Variants in RORA observed in about 807,000 individuals in gnomAD.
The protein encoded by RORA is RAR related orphan receptor A.
Under a neutral mutation model 69.5 loss-of-function variants are expected in RORA, and 7 were observed. The observed-to-expected ratio is 0.10, with a 90% CI of 0.06 to 0.19. The LOEUF (loss-of-function observed/expected upper bound fraction) is 0.19. Ranked by LOEUF, RORA falls within the 10% of genes least tolerant of loss-of-function variation. RORA has a pLI of 1.00. For synonymous variants in RORA, 261 were observed against 240.8 expected, an observed-to-expected ratio of 1.08 and a Z score of -0.78; for missense variants, 457 against 663.0, an observed-to-expected ratio of 0.69 and a Z score of 3.41.
rs11392772 is a variant in RORA at position 61,183,533 on chromosome 15, C to CAAA, written c.166+45517_166+45519dup. Among the ~76,000 whole-genome samples the CAAA allele has an allele frequency of 9.6e-4, 125 of 130,664 alleles. 1 individual carries two copies. The South Asian group carries it at 0.029, about 30-fold the overall frequency. 85.7% of individuals were successfully genotyped at this position (130,664 alleles called of 152,430 possible). On this transcript the variant is annotated intron_variant, in intron 1 of 10. Coordinates refer to ENST00000335670, the MANE Select transcript of RORA (RefSeq NM_134261.3). ...CTGGGCAACAAGAGTGAGACTGTTTCAAAAAAAAAAAAAAAAGGAAAAAAA... is the reference window on the plus strand; with the variant it reads ...CTGGGCAACAAGAGTGAGACTGTTTCAAAAAAAAAAAAAAAAAAAGGAAAAAAA...
intron 2 of RORA, among the ~76,000 whole-genome samples, chr15:60,615,521 G>A (rs527619128): frequency 1.3e-3 from 198 of 152,276 alleles, no homozygotes; most frequent in African/African-American, 1.7e-3. Flanking sequence ...AGCAGCAGCC[G>A]GGGAGGAGAA....
At chr15:60,551,887 G>T (rs944932522) in intron 2 of RORA, among the ~76,000 whole-genome samples, 8 of 152,182 alleles carry the variant, frequency 5.3e-5, no homozygotes, top group African/African-American at 1.9e-4. Flanking sequence ...TTCAACTGGG[G>T]TTTATCCCAA....
chr15:61,026,880 T>C (rs1252990840), intron 1 of RORA, among the ~76,000 whole-genome samples: 1 of 152,146 alleles, frequency 6.6e-6, no homozygotes, highest in African/African-American at 2.4e-5. Flanking sequence ...CCTGACCTCA[T>C]AAAATACGTT....
intron 1 of RORA, among the ~76,000 whole-genome samples, chr15:61,149,473 C>G: frequency 6.8e-6 from 1 of 147,624 alleles, no homozygotes; most frequent in Non-Finnish European, 1.5e-5. Flanking sequence ...TAAGAAGACA[C>G]TATTCTCTCT....
At chr15:60,676,452 A>G (rs1440503700) in intron 2 of RORA, among the ~76,000 whole-genome samples, 1 of 152,110 alleles carries the variant, frequency 6.6e-6, no homozygotes, top group African/African-American at 2.4e-5. Flanking sequence ...GCCATTTTTT[A>G]TTCTGGGCCC....
intron 1 of RORA, among the ~76,000 whole-genome samples, chr15:61,148,143 G>A (rs1030854913): frequency 2.6e-5 from 4 of 152,178 alleles, no homozygotes; most frequent in African/African-American, 4.8e-5. Flanking sequence ...TGACATCAGC[G>A]GCAACATGGG....
chr15:60,798,825 T>A (rs942190356), intron 1 of RORA, among the ~76,000 whole-genome samples: 1 of 151,902 alleles, frequency 6.6e-6, no homozygotes, highest in African/African-American at 2.4e-5. Context: ...GAATGATATA[T>A]CCCCACTCTA....
At chr15:60,781,038 G>GT (rs2072245410) in intron 1 of RORA, among the ~76,000 whole-genome samples, 1 of 152,202 alleles carries the variant, frequency 6.6e-6, no homozygotes, top group Admixed American at 6.5e-5. Flanking sequence ...GAGGACTTCA[G>GT]TAACTTCTTG....
chr15:60,568,815 C>G (rs2067788604), intron 2 of RORA, among the ~76,000 whole-genome samples: 1 of 151,898 alleles, frequency 6.6e-6, no homozygotes, highest in Admixed American at 6.6e-5. Context: ...TTTCCTAGTA[C>G]AAGTAAAAAA....
chr15:61,083,218 G>A (rs557148502), intron 1 of RORA, among the ~76,000 whole-genome samples: 10 of 152,272 alleles, frequency 6.6e-5, no homozygotes, highest in South Asian at 2.1e-4. Flanking sequence ...AGGCTGACAC[G>A]GCTTCCCTCT....
chr15:61,082,200 G>A (rs1050832277), intron 1 of RORA, among the ~76,000 whole-genome samples: 13 of 152,132 alleles, frequency 8.5e-5, no homozygotes, highest in Admixed American at 7.2e-4. Context: ...TCAAAAATAC[G>A]GTATTTGGCC....
chr15:60,878,947 C>G (rs941352234), intron 1 of RORA, among the ~76,000 whole-genome samples: 4 of 152,212 alleles, frequency 2.6e-5, no homozygotes, highest in African/African-American at 4.8e-5. Flanking sequence ...ATCTGCTCAT[C>G]AAGTCCCAAC....
intron 2 of RORA, among the ~76,000 whole-genome samples, chr15:60,626,615 A>G (rs1429579404): frequency 6.6e-6 from 1 of 152,110 alleles, no homozygotes. Context: ...TAAACCCATG[A>G]GGCTGTCGCT....
intron 1 of RORA, among the ~76,000 whole-genome samples, chr15:60,950,992 T>C (rs909347128): frequency 4.6e-5 from 7 of 150,876 alleles, no homozygotes; most frequent in African/African-American, 1.7e-4. Context: ...ATACATTTTT[T>C]TCAGCACCAC....
At chr15:60,678,885 C>G (rs1352416398) in intron 1 of RORA, among the ~76,000 whole-genome samples, 199 bp from the exon 2 acceptor site, 1 of 152,168 alleles carries the variant, frequency 6.6e-6, no homozygotes, top group Non-Finnish European at 1.5e-5. Flanking sequence ...CAGCGACCAT[C>G]ACCTCCTGGT....
intron 1 of RORA, among the ~76,000 whole-genome samples, chr15:61,228,499 C>T (rs1329868244): frequency 6.6e-6 from 1 of 151,314 alleles, no homozygotes; most frequent in Non-Finnish European, 1.5e-5. Context: ...CCCTCTCCAC[C>T]CCCGGGACTT....
Position 60,492,840 on chromosome 15 carries a change from G to C in RORA, c.*4615C>G, listed in dbSNP as rs2041689991. ...TCAAGTTCTAAACTCAACAAAATGA[G>C]ACGAGAGTAAAGAGTTTACACACAC... On this transcript the variant is annotated 3_prime_UTR_variant, in exon 11 of 11. Coordinates refer to ENST00000335670, the MANE Select transcript of RORA (RefSeq NM_134261.3). 2 of 152,116 alleles carry C rather than the reference G, an allele frequency of 1.3e-5. No individual in the cohort carries two copies. The allele number at this position is 152,116 out of a possible 1,614,324, so 9.4% of individuals were successfully genotyped here.
At chr15:60,502,137 T>G (rs1466911548) in intron 8 of RORA, among the ~76,000 whole-genome samples, 2 of 152,142 alleles carry the variant, frequency 1.3e-5, no homozygotes, top group Non-Finnish European at 2.9e-5. Flanking sequence ...TGTGCCACCA[T>G]GCCCAGCTAA....
intron 1 of RORA, among the ~76,000 whole-genome samples, chr15:61,122,256 T>C (rs2081242869): frequency 6.6e-6 from 1 of 152,170 alleles, no homozygotes; most frequent in Non-Finnish European, 1.5e-5. Context: ...TTCTAAAATC[T>C]CACAATGGAT....
Sources: allele counts gnomAD v4.1 joint callset (sites outside exome capture counted in the v4.1 genomes callset), GRCh38; gene constraint gnomAD v4.1.1; transcripts MANE v1.5; gene names NCBI Gene and HGNC (gene_info 2026-07-23, HGNC 2026-07-21).